The following IL19 variants were observed in gnomAD, a reference collection of about 807,000 sequenced individuals.
The protein encoded by IL19 is interleukin 19.
In IL19, 15 loss-of-function variants were observed where a neutral mutation model predicts 19.5. The ratio of observed to expected loss-of-function variants is 0.77; its 90% CI spans 0.52 to 1.19. The LOEUF (loss-of-function observed/expected upper bound fraction) is 1.19, where lower values mean the gene tolerates loss of function less well. Ranked by LOEUF, IL19 falls within the 50% of genes most tolerant of loss-of-function variation. IL19 has a pLI of 0.00. For synonymous variants in IL19, 78 were observed against 78.3 expected (o/e 1.00, Z 0.02); for missense variants, 199 against 213.1 (o/e 0.93, Z 0.41).
intron 2 of IL19, among the ~76,000 whole-genome samples, chr1:206,828,451 A>C (rs960977207): frequency 6.6e-6 from 1 of 152,212 alleles, no homozygotes; most frequent in Non-Finnish European, 1.5e-5. Context: ...AGTAGTTTCC[A>C]ATAAATTTGC....
chr1:206,814,139 G>C (rs1290767711), intron 2 of IL19, among the ~76,000 whole-genome samples: 2 of 152,050 alleles, frequency 1.3e-5, no homozygotes, highest in Admixed American at 1.3e-4. Context: ...TTAAAAAACT[G>C]TTGTGGTTTC....
At chr1:206,841,508 G>T (rs1677017776) in intron 6 of IL19, among the ~76,000 whole-genome samples, 1 of 152,224 alleles carries the variant, frequency 6.6e-6, no homozygotes, top group Non-Finnish European at 1.5e-5. Flanking sequence ...TGATGTTGGT[G>T]TAAAATGCAC....
intron 1 of IL19, among the ~76,000 whole-genome samples, chr1:206,786,995 C>A (rs1381466208): frequency 6.6e-6 from 1 of 152,182 alleles, no homozygotes; most frequent in African/African-American, 2.4e-5. Flanking sequence ...TCTCACAAAG[C>A]CCAGGGCTTT....
intron 4 of IL19, among the ~76,000 whole-genome samples, chr1:206,837,596 T>G (rs1036166362): frequency 6.6e-6 from 1 of 150,466 alleles, no homozygotes; most frequent in Non-Finnish European, 1.5e-5. Context: ...TGCCTGTAAT[T>G]TCAGCATTTT....
chr1:206,802,796 T>G (rs1324491523), intron 2 of IL19, among the ~76,000 whole-genome samples: 5 of 152,118 alleles, frequency 3.3e-5, no homozygotes, highest in Admixed American at 1.3e-4. Flanking sequence ...TATGCCCACA[T>G]GTATAGAACT....
At chr1:206,822,792 A>G (rs1235856453) in intron 2 of IL19, among the ~76,000 whole-genome samples, 1 of 152,112 alleles carries the variant, frequency 6.6e-6, no homozygotes, top group Non-Finnish European at 1.5e-5. Flanking sequence ...GTGTCCCCCA[A>G]ACCTAGTGCA....
intron 2 of IL19, among the ~76,000 whole-genome samples, chr1:206,829,751 C>T (rs1676538951): frequency 6.6e-6 from 1 of 152,172 alleles, no homozygotes; most frequent in Non-Finnish European, 1.5e-5. Flanking sequence ...CTTTCCATTA[C>T]TATCCCTCCA....
At chr1:206,811,989 A>G (rs754186913) in intron 2 of IL19, among the ~76,000 whole-genome samples, 5 of 152,232 alleles carry the variant, frequency 3.3e-5, no homozygotes, top group African/African-American at 4.8e-5. Context: ...AACTGCAGCA[A>G]TGGGTTTATG....
At chr1:206,833,131 T>C (rs1411982951) in intron 2 of IL19, among the ~76,000 whole-genome samples, 1 of 152,230 alleles carries the variant, frequency 6.6e-6, no homozygotes, top group African/African-American at 2.4e-5. Flanking sequence ...AGTTTAAAGA[T>C]CTTAATTGGC....
At chr1:206,809,316 A>G (rs908013514) in intron 2 of IL19, among the ~76,000 whole-genome samples, 1 of 152,196 alleles carries the variant, frequency 6.6e-6, no homozygotes, top group African/African-American at 2.4e-5. Context: ...AGATCTCCAC[A>G]TGTGATAGGC....
intron 1 of IL19, among the ~76,000 whole-genome samples, chr1:206,790,108 T>C (rs1407840611): frequency 1.3e-5 from 2 of 152,200 alleles, no homozygotes; most frequent in Non-Finnish European, 2.9e-5. Context: ...TTGAAAAATC[T>C]CCATACTCTT....
intron 1 of IL19, among the ~76,000 whole-genome samples, chr1:206,794,033 G>A (rs983481411): frequency 5.3e-5 from 8 of 152,110 alleles, no homozygotes; most frequent in Non-Finnish European, 8.8e-5. Context: ...AGACATCTAG[G>A]GACTCCTGGG....
chr1:206,772,540 G>C, intron 1 of IL19: 1 of 1,073,158 alleles, frequency 9.3e-7, no homozygotes, highest in Non-Finnish European at 1.4e-6. Flanking sequence ...AGCTCAGGGA[G>C]GCCTCTTCAT....
chr1:206,792,734 AGT>A (rs1675438418), intron 1 of IL19, among the ~76,000 whole-genome samples: 1 of 151,930 alleles, frequency 6.6e-6, no homozygotes, highest in South Asian at 2.1e-4. Flanking sequence ...GGATTACGGA[AGT>A]GAGCCACTAT....
chr1:206,773,541 C>G (rs764741052), intron 1 of IL19, among the ~76,000 whole-genome samples: 9 of 151,374 alleles, frequency 5.9e-5, no homozygotes, highest in Admixed American at 2.0e-4. Context: ...CTTACCTATC[C>G]CTACTTCCCC....
At chr1:206,808,270 C>T (rs745346832) in intron 2 of IL19, among the ~76,000 whole-genome samples, 10 of 152,198 alleles carry the variant, frequency 6.6e-5, no homozygotes, top group African/African-American at 9.7e-5. Context: ...GGCGGAGTTG[C>T]GGTGAGCCAA....
chr1:206,832,079 C>T (rs546244531), intron 2 of IL19, among the ~76,000 whole-genome samples: 1 of 152,346 alleles, frequency 6.6e-6, no homozygotes, highest in East Asian at 1.9e-4. Context: ...ACAGCACCCA[C>T]CTCCCTCCAT....
At chr1:206,805,823 C>T (rs528752096) in intron 2 of IL19, among the ~76,000 whole-genome samples, 13 of 152,274 alleles carry the variant, frequency 8.5e-5, no homozygotes, top group East Asian at 1.9e-4. Context: ...AAACTGAATG[C>T]GCTTACTGTA....
intron 2 of IL19, among the ~76,000 whole-genome samples, chr1:206,819,840 C>G (rs1676250384): frequency 6.6e-6 from 1 of 152,192 alleles, no homozygotes; most frequent in South Asian, 2.1e-4. Context: ...TATGAATTAT[C>G]TCTAATTCTT....
Sources: gnomAD v4.1 joint callset for allele counts (sites outside exome capture counted in the v4.1 genomes callset) on GRCh38, gnomAD v4.1.1 for gene constraint, MANE v1.5 for transcripts, NCBI Gene and HGNC (gene_info 2026-07-23, HGNC 2026-07-21) for gene names.